The following GABBR2 variants were observed in gnomAD, a reference collection of about 807,000 sequenced individuals.
GABBR2 encodes G-protein coupled receptor 51.
GABBR2 carries 23 observed loss-of-function variants against 105.6 expected under a neutral mutation model. The ratio of observed to expected loss-of-function variants is 0.22; its 90% CI spans 0.16 to 0.31. GABBR2 has a LOEUF of 0.31. Among genes scored for constraint, GABBR2 ranks in the 10% least tolerant of loss-of-function variants. The pLI, the probability that GABBR2 is intolerant of heterozygous loss-of-function variation, is 1.00. For synonymous variants in GABBR2, 478 were observed against 499.7 expected (o/e 0.96, Z 0.58); for missense variants, 734 against 1,245.5 (o/e 0.59, Z 6.18).
At chr9:98,426,690 C>G (rs1352879045) in intron 7 of GABBR2, among the ~76,000 whole-genome samples, 1 of 152,194 alleles carries the variant, frequency 6.6e-6, no homozygotes, top group African/African-American at 2.4e-5. Context: ...GCTAAAATAT[C>G]TTCCATTAAG....
chr9:98,498,283 GA>G (rs1037823250), intron 3 of GABBR2, among the ~76,000 whole-genome samples: 9 of 151,096 alleles, frequency 6.0e-5, no homozygotes, highest in Non-Finnish European at 1.0e-4. Flanking sequence ...AGTGTGGAAT[GA>G]AAAAAAAAGT....
chr9:98,297,148 C>T (rs1830394797), intron 17 of GABBR2, among the ~76,000 whole-genome samples: 1 of 151,986 alleles, frequency 6.6e-6, no homozygotes, highest in African/African-American at 2.4e-5. Flanking sequence ...ATTCATTTTT[C>T]CCACAAATTT....
intron 11 of GABBR2, among the ~76,000 whole-genome samples, chr9:98,383,651 G>A (rs1205629816): frequency 3.3e-5 from 5 of 152,210 alleles, no homozygotes; most frequent in Admixed American, 6.5e-5. Flanking sequence ...TGAGGATAAA[G>A]TAAATGTATC....
chr9:98,573,325 C>A (rs1828860982), intron 2 of GABBR2, among the ~76,000 whole-genome samples: 1 of 152,078 alleles, frequency 6.6e-6, no homozygotes, highest in African/African-American at 2.4e-5. Context: ...CTTTTTCGCC[C>A]AGGCAGGAGT....
chr9:98,385,318 T>C (rs888587207), intron 11 of GABBR2, among the ~76,000 whole-genome samples: 1 of 152,206 alleles, frequency 6.6e-6, no homozygotes, highest in Non-Finnish European at 1.5e-5. Context: ...TCCTCCCTCC[T>C]CAGCCTCCTG....
chr9:98,334,333 C>G (rs1196368914), intron 13 of GABBR2, among the ~76,000 whole-genome samples: 1 of 152,204 alleles, frequency 6.6e-6, no homozygotes, highest in Non-Finnish European at 1.5e-5. Context: ...CAAAAAGAAG[C>G]AGGAAGTGTG....
intron 7 of GABBR2, among the ~76,000 whole-genome samples, chr9:98,452,324 G>A (rs917662623): frequency 2.6e-5 from 4 of 152,182 alleles, no homozygotes; most frequent in Non-Finnish European, 4.4e-5. Context: ...CCCACTCAAC[G>A]TATTCTTCAG....
intron 1 of GABBR2, among the ~76,000 whole-genome samples, chr9:98,611,348 C>T (rs1006781684): frequency 4.6e-5 from 7 of 152,176 alleles, no homozygotes; most frequent in Non-Finnish European, 7.4e-5. Context: ...ATGGAGCCAC[C>T]ACACTTACTG....
chr9:98,523,672 AG>A (rs1440055324), intron 3 of GABBR2, among the ~76,000 whole-genome samples: 1 of 152,200 alleles, frequency 6.6e-6, no homozygotes, highest in Non-Finnish European at 1.5e-5. Flanking sequence ...GATTAGCAGC[AG>A]TAACCAGTGG....
chr9:98,433,162 C>T (rs1173699155), intron 7 of GABBR2, among the ~76,000 whole-genome samples: 2 of 152,172 alleles, frequency 1.3e-5, no homozygotes, highest in South Asian at 4.1e-4. Context: ...TTTGTGTACG[C>T]TGTGTAAAGC....
At chr9:98,639,821 C>T (rs962465909) in intron 1 of GABBR2, among the ~76,000 whole-genome samples, 2 of 152,076 alleles carry the variant, frequency 1.3e-5, no homozygotes, top group African/African-American at 4.8e-5. Flanking sequence ...ATAGCCTTAT[C>T]TCGGGAGGCA....
At chr9:98,513,970 C>T (rs951314772) in intron 3 of GABBR2, among the ~76,000 whole-genome samples, 9 of 152,082 alleles carry the variant, frequency 5.9e-5, no homozygotes, top group South Asian at 2.1e-4. Context: ...GTGTTTATTG[C>T]GGGACTATTC....
chr9:98,541,625 G>A (rs1358767767), intron 3 of GABBR2, among the ~76,000 whole-genome samples: 1 of 152,162 alleles, frequency 6.6e-6, no homozygotes, highest in Non-Finnish European at 1.5e-5. Context: ...TAAGCCACAC[G>A]AGGTAGCCAA....
intron 13 of GABBR2, among the ~76,000 whole-genome samples, chr9:98,318,871 G>A (rs1474303144): frequency 6.6e-6 from 1 of 151,402 alleles, no homozygotes; most frequent in African/African-American, 2.4e-5. Flanking sequence ...GTGAGTGTAG[G>A]TGTGCATGTA....
intron 1 of GABBR2, among the ~76,000 whole-genome samples, chr9:98,624,890 C>T (rs1424108715): frequency 6.6e-6 from 1 of 152,182 alleles, no homozygotes; most frequent in East Asian, 1.9e-4. Flanking sequence ...CTCTGGACCT[C>T]AGTTTCCCCA....
Position 98,617,765 on chromosome 9 carries a change from C to T in GABBR2, c.322-39693G>A, listed in dbSNP as rs118166739. On this transcript the variant is annotated intron_variant, in intron 1 of 18. Coordinates refer to ENST00000259455, the MANE Select transcript of GABBR2 (RefSeq NM_005458.8). The stretch of plus-strand genomic sequence containing the variant: ...CAAAAAAAAGCTTCACGAAACCCAA[C>T]ACTAAAGTCACAGCAGAGACAAGTT... 5.9e-5 allele frequency among the ~76,000 whole-genome samples: 9 copies of T among 152,286 alleles called. No homozygotes were observed. The East Asian group carries it at 1.7e-3, about 29-fold the overall frequency.
chr9:98,380,211 C>A (rs974605908), intron 11 of GABBR2, among the ~76,000 whole-genome samples: 2 of 152,144 alleles, frequency 1.3e-5, no homozygotes, highest in Non-Finnish European at 2.9e-5. Context: ...CTTGGTGACT[C>A]GCAGAGGCTG....
chr9:98,580,324 C>T (rs114097240), intron 1 of GABBR2, among the ~76,000 whole-genome samples: 5,122 of 152,222 alleles, frequency 0.034, 295 homozygotes, highest in African/African-American at 0.12. Context: ...CTATTTAATG[C>T]CCTAACATAG....
At chr9:98,401,323 T>A (rs930614061) in intron 8 of GABBR2, among the ~76,000 whole-genome samples, 3 of 152,216 alleles carry the variant, frequency 2.0e-5, no homozygotes, top group African/African-American at 7.2e-5. Flanking sequence ...GAGTTCCCCA[T>A]CACTGGAGGC....
Sources: allele counts gnomAD v4.1 joint callset (sites outside exome capture counted in the v4.1 genomes callset), GRCh38; gene constraint gnomAD v4.1.1; transcripts MANE v1.5; gene names NCBI Gene and HGNC (gene_info 2026-07-23, HGNC 2026-07-21).